The following TENM3 variants were observed in gnomAD, a reference collection of about 807,000 sequenced individuals.
TENM3 encodes the protein teneurin transmembrane protein 3.
Under a neutral mutation model 255.1 loss-of-function variants are expected in TENM3, and 63 were observed. The observed-to-expected ratio is 0.25, with a 90% CI of 0.20 to 0.30. The LOEUF (loss-of-function observed/expected upper bound fraction) is 0.30. TENM3 is among the 10% of genes least tolerant of loss of function. TENM3 has a pLI of 1.00. For synonymous variants in TENM3, 1,306 were observed against 1,322.3 expected (o/e 0.99, Z 0.27); for missense variants, 2,929 against 3,461.1 (o/e 0.85, Z 3.86).
the TENM3 span, among the ~76,000 whole-genome samples, chr4:181,708,598 C>A: frequency 6.6e-6 from 1 of 150,480 alleles, no homozygotes; most frequent in Non-Finnish European, 1.5e-5. Context: ...AGTCCTAAAA[C>A]CAACACTCTA....
At chr4:182,335,323 G>T in intron 2 of TENM3, among the ~76,000 whole-genome samples, 1 of 62,150 alleles carries the variant, frequency 1.6e-5, no homozygotes, top group Middle Eastern at 6.6e-3. Context: ...GTGAAACCCC[G>T]TCTCTACTAA....
chr4:182,233,185 C>T (rs1030664760), intron 1 of TENM3, among the ~76,000 whole-genome samples: 1 of 152,134 alleles, frequency 6.6e-6, no homozygotes, highest in Non-Finnish European at 1.5e-5. Flanking sequence ...AGCCGGAGAG[C>T]CCCAAACAGC....
chr4:181,956,397 G>A, the TENM3 span, among the ~76,000 whole-genome samples: 1 of 152,284 alleles, frequency 6.6e-6, no homozygotes, highest in Admixed American at 6.5e-5. Context: ...CATGACAAAA[G>A]TTGTATGCCA....
intron 1 of TENM3, among the ~76,000 whole-genome samples, chr4:182,293,676 T>A (rs1485081950): frequency 2.6e-5 from 4 of 152,152 alleles, no homozygotes; most frequent in African/African-American, 9.7e-5. Context: ...AACGTTTGCC[T>A]TTGACTTTCG....
intron 3 of TENM3, among the ~76,000 whole-genome samples, chr4:182,576,565 C>T (rs1319850060): frequency 6.6e-6 from 1 of 152,152 alleles, no homozygotes; most frequent in Non-Finnish European, 1.5e-5. Context: ...TTCTTAAATA[C>T]TTTGGAAATT....
At chr4:182,030,331 G>A in the TENM3 span, among the ~76,000 whole-genome samples, 1 of 151,910 alleles carries the variant, frequency 6.6e-6, no homozygotes, top group Non-Finnish European at 1.5e-5. Context: ...AGAACATGCA[G>A]TGTTTGGTTT....
chr4:182,317,376 T>G (rs1201946753), intron 1 of TENM3, among the ~76,000 whole-genome samples: 1 of 152,180 alleles, frequency 6.6e-6, no homozygotes, highest in East Asian at 1.9e-4. Context: ...CATGGCTCAC[T>G]GCAGCCTCCA....
At chr4:182,615,046 C>CATACATAT (rs376247638) in intron 4 of TENM3, among the ~76,000 whole-genome samples, 4 of 112,046 alleles carry the variant, frequency 3.6e-5, no homozygotes, top group African/African-American at 6.2e-5. Flanking sequence ...AAAAAAAATA[C>CATACATAT]ATATATATAT....
At chr4:182,530,315 T>C (rs1181970887) in intron 3 of TENM3, among the ~76,000 whole-genome samples, 1 of 152,236 alleles carries the variant, frequency 6.6e-6, no homozygotes, top group Non-Finnish European at 1.5e-5. Context: ...TTCGAAACAC[T>C]GCAGATTTTA....
chr4:181,729,529 T>C, the TENM3 span, among the ~76,000 whole-genome samples: 1 of 152,200 alleles, frequency 6.6e-6, no homozygotes, highest in African/African-American at 2.4e-5. Flanking sequence ...CAAATTAAAT[T>C]TCAGATGCAA....
At chr4:182,368,642 C>T (rs1038240292) in intron 3 of TENM3, among the ~76,000 whole-genome samples, 17 of 152,278 alleles carry the variant, frequency 1.1e-4, no homozygotes, top group East Asian at 5.8e-4. Flanking sequence ...GTCATAGTTT[C>T]ACCTGTCTGC....
the TENM3 span, chr4:181,906,290 A>C: frequency 9.0e-3 from 1,491 of 165,836 alleles, 22 homozygotes; most frequent in African/African-American, 0.034. Context: ...GGACAGTCAG[A>C]TGGAAATTTA....
the TENM3 span, among the ~76,000 whole-genome samples, chr4:181,910,555 A>G: frequency 7.8e-6 from 1 of 128,778 alleles, no homozygotes; most frequent in Non-Finnish European, 1.6e-5. Context: ...AAAAAAGTGT[A>G]TACATATATA....
intron 3 of TENM3, among the ~76,000 whole-genome samples, chr4:182,422,786 C>A (rs563199838): frequency 6.6e-6 from 1 of 152,290 alleles, no homozygotes; most frequent in African/African-American, 2.4e-5. Context: ...ATAATCACTA[C>A]CAGTTTTCAG....
At chr4:182,667,174 TTTTTGTTTTGTTTTGTTTTG>T (rs149236811) in intron 6 of TENM3, among the ~76,000 whole-genome samples, 1 of 149,976 alleles carries the variant, frequency 6.7e-6, no homozygotes, top group Non-Finnish European at 1.5e-5. Context: ...AGTTACCATT[TTTTTGTTTTGTTTTGTTTTG>T]TTTTGTTTTG....
chr4:181,924,254 A>G, the TENM3 span, among the ~76,000 whole-genome samples: 1 of 152,186 alleles, frequency 6.6e-6, no homozygotes, highest in Non-Finnish European at 1.5e-5. Flanking sequence ...CACTCCCATG[A>G]GATCTGAAGA....
chr4:182,774,108 C>A (rs1764486264), intron 23 of TENM3, among the ~76,000 whole-genome samples: 1 of 152,150 alleles, frequency 6.6e-6, no homozygotes, highest in East Asian at 1.9e-4. Context: ...TCCATTTTTT[C>A]ATTCCATCTA....
chr4:181,925,800 A>G, the TENM3 span, among the ~76,000 whole-genome samples: 2 of 152,182 alleles, frequency 1.3e-5, no homozygotes, highest in African/African-American at 2.4e-5. Context: ...TGGTGTAGAC[A>G]TCAATCAGAA....
chr4:181,707,755 T>A, the TENM3 span, among the ~76,000 whole-genome samples: 1 of 152,216 alleles, frequency 6.6e-6, no homozygotes, highest in Non-Finnish European at 1.5e-5. Flanking sequence ...CTGTTTTGAA[T>A]CCTTCTTTTA....
Sources: gnomAD v4.1 joint callset for allele counts (sites outside exome capture counted in the v4.1 genomes callset) on GRCh38, gnomAD v4.1.1 for gene constraint, MANE v1.5 for transcripts, NCBI Gene and HGNC (gene_info 2026-07-23, HGNC 2026-07-21) for gene names.